CDH19: variants seen among roughly 807,000 people sequenced by gnomAD.
The protein encoded by CDH19 is cadherin-19.
CDH19 carries 67 observed loss-of-function variants against 64.2 expected under a neutral mutation model. The ratio of observed to expected loss-of-function variants is 1.04; its 90% CI spans 0.86 to 1.28. CDH19 has a LOEUF of 1.28. CDH19 is among the 50% of genes most tolerant of loss of function. CDH19 has a pLI of 0.00. For synonymous variants in CDH19, 346 were observed against 319.3 expected (o/e 1.08, Z -0.89); for missense variants, 1,030 against 929.0 (o/e 1.11, Z -1.41).
At chr18:66,546,431 T>G (rs1160606193) in intron 5 of CDH19, among the ~76,000 whole-genome samples, 2 of 152,168 alleles carry the variant, frequency 1.3e-5, no homozygotes, top group African/African-American at 4.8e-5. Flanking sequence ...GTTTAAGACT[T>G]AAATGTTATT....
At chr18:66,587,850 T>C (rs957897053) in intron 1 of CDH19, among the ~76,000 whole-genome samples, 2 of 152,264 alleles carry the variant, frequency 1.3e-5, no homozygotes, top group Admixed American at 6.5e-5. Context: ...GCTCCCCGAC[T>C]AACAAAATCA....
At chr18:66,572,493 G>C (rs1260257714) in intron 1 of CDH19, among the ~76,000 whole-genome samples, 177 bp from the exon 2 acceptor site, 2 of 151,658 alleles carry the variant, frequency 1.3e-5, no homozygotes, top group Non-Finnish European at 2.9e-5. Flanking sequence ...AATTTGATTA[G>C]AATAATTATA....
At chr18:66,599,578 T>C (rs1252919132) in intron 1 of CDH19, among the ~76,000 whole-genome samples, 1 of 152,112 alleles carries the variant, frequency 6.6e-6, no homozygotes, top group Non-Finnish European at 1.5e-5. Flanking sequence ...AAATGTTAAA[T>C]ATTTGAGGTG....
intron 7 of CDH19, among the ~76,000 whole-genome samples, chr18:66,535,882 C>T (rs1239738681): frequency 6.8e-6 from 1 of 146,326 alleles, no homozygotes; most frequent in Admixed American, 6.9e-5. Context: ...TATTACATCA[C>T]ATGTATTTAT....
intron 3 of CDH19, 98 bp downstream of exon 3, chr18:66,568,318 G>C (rs964312874): frequency 1.1e-6 from 1 of 903,934 alleles, no homozygotes; most frequent in Non-Finnish European, 1.7e-6. Context: ...GGAAGTTCTA[G>C]TATAGACCCT....
intron 8 of CDH19, 55 bp from the exon 9 acceptor site, chr18:66,530,021 AG>A: frequency 2.2e-6 from 2 of 918,972 alleles, no homozygotes; most frequent in Non-Finnish European, 3.1e-6. Flanking sequence ...TGTCTTTAGA[AG>A]AGACATCATT....
At chr18:66,577,304 G>C (rs1988294179) in intron 1 of CDH19, among the ~76,000 whole-genome samples, 2 of 151,808 alleles carry the variant, frequency 1.3e-5, no homozygotes, top group African/African-American at 4.8e-5. Context: ...AAAAGAAGAG[G>C]AAATTTGGAA....
intron 1 of CDH19, among the ~76,000 whole-genome samples, chr18:66,591,493 G>A (rs1043807666): frequency 3.3e-5 from 5 of 151,802 alleles, no homozygotes; most frequent in South Asian, 2.1e-4. Flanking sequence ...TGTATACACC[G>A]AAGATTAGTG....
chr18:66,550,792 C>T (rs1329556132), intron 5 of CDH19, among the ~76,000 whole-genome samples: 2 of 152,106 alleles, frequency 1.3e-5, no homozygotes, highest in Admixed American at 1.3e-4. Context: ...TAGGATCCTA[C>T]AGCAAGAAAT....
At chr18:66,515,640 T>C (rs192586027) in intron 9 of CDH19, among the ~76,000 whole-genome samples, 13 of 152,006 alleles carry the variant, frequency 8.6e-5, no homozygotes, top group Admixed American at 5.9e-4. Context: ...GATATTATAA[T>C]TGTTTTTGCC....
At chr18:66,584,324 T>A (rs1293110867) in intron 1 of CDH19, among the ~76,000 whole-genome samples, 1 of 152,022 alleles carries the variant, frequency 6.6e-6, no homozygotes, top group Non-Finnish European at 1.5e-5. Context: ...ATGGCTATTA[T>A]GAAAAACTCA....
intron 1 of CDH19, among the ~76,000 whole-genome samples, chr18:66,603,744 C>G (rs1363225757): frequency 2.0e-5 from 3 of 152,078 alleles, no homozygotes; most frequent in East Asian, 3.9e-4. Flanking sequence ...GAGAACTGTT[C>G]TCACAAATAC....
intron 3 of CDH19, among the ~76,000 whole-genome samples, chr18:66,565,786 C>A (rs991342946): frequency 6.6e-6 from 1 of 151,866 alleles, no homozygotes; most frequent in Non-Finnish European, 1.5e-5. Flanking sequence ...TATTATATAA[C>A]ACTTCTAATA....
chr18:66,594,169 G>A (rs555483621), intron 1 of CDH19, among the ~76,000 whole-genome samples: 21 of 152,026 alleles, frequency 1.4e-4, no homozygotes, highest in African/African-American at 4.8e-4. Flanking sequence ...GACAAAAATC[G>A]GCATTACATA....
At chr18:66,583,973 G>A (rs1236615278) in intron 1 of CDH19, among the ~76,000 whole-genome samples, 1 of 151,844 alleles carries the variant, frequency 6.6e-6, no homozygotes, top group Admixed American at 6.6e-5. Context: ...CACCAAAAGC[G>A]ATCACAACAA....
At chr18:66,565,825 C>G (rs1034685723) in intron 3 of CDH19, among the ~76,000 whole-genome samples, 2 of 151,928 alleles carry the variant, frequency 1.3e-5, no homozygotes, top group Non-Finnish European at 2.9e-5. Context: ...GCTGGCCTCT[C>G]CCTCTCATGG....
At chr18:66,514,301 TC>T (rs1985634648) in intron 9 of CDH19, among the ~76,000 whole-genome samples, 2 of 151,538 alleles carry the variant, frequency 1.3e-5, no homozygotes, top group African/African-American at 4.8e-5. Context: ...GACATGAAAT[TC>T]CAAAAGCAAG....
At chr18:66,536,220 A>G (rs1986664991) in intron 7 of CDH19, among the ~76,000 whole-genome samples, 1 of 151,696 alleles carries the variant, frequency 6.6e-6, no homozygotes, top group Admixed American at 6.6e-5. Flanking sequence ...GAAGTTTACC[A>G]TAATTATATG....
Position 66,580,509 on chromosome 18 carries a change from G to A in CDH19, c.-112-8193C>T, listed in dbSNP as rs1191259586. On this transcript the variant is annotated intron_variant, in intron 1 of 11. Coordinates refer to ENST00000262150, the MANE Select transcript of CDH19 (RefSeq NM_021153.4). ...AGAGAAAACTGACAAAATTTGTCAT[G>A]GTAATTACAATGATTGAAATAAGTG... Among the ~76,000 whole-genome samples, 3 of 151,990 alleles carry A rather than the reference G, an allele frequency of 2.0e-5. No individual in the cohort carries two copies. The East Asian group carries it at 5.8e-4, about 29-fold the overall frequency.
Sources: gnomAD v4.1 joint callset for allele counts (sites outside exome capture counted in the v4.1 genomes callset) on GRCh38, gnomAD v4.1.1 for gene constraint, MANE v1.5 for transcripts, NCBI Gene and HGNC (gene_info 2026-07-23, HGNC 2026-07-21) for gene names.